GRAMD1B: variants seen among roughly 807,000 people sequenced by gnomAD.
GRAMD1B encodes the protein GRAM domain containing 1B.
In GRAMD1B, 37 loss-of-function variants were observed where a neutral mutation model predicts 99.7. That is an observed-to-expected ratio of 0.37 (90% confidence interval 0.29 to 0.49). The LOEUF (loss-of-function observed/expected upper bound fraction) is 0.49. Ranked by LOEUF, GRAMD1B falls within the 20% of genes least tolerant of loss-of-function variation. The pLI is 0.98. For missense variants in GRAMD1B, 888 were observed against 1,009.2 expected (o/e 0.88, Z 1.63); for synonymous variants, 427 against 387.6 (o/e 1.10, Z -1.19).
chr11:123,404,814 C>G (rs1367197943), intron 1 of GRAMD1B, among the ~76,000 whole-genome samples: 1 of 152,242 alleles, frequency 6.6e-6, no homozygotes, highest in Non-Finnish European at 1.5e-5. Context: ...GAGACAAACG[C>G]AGCCTGCAGC....
At chr11:123,519,952 G>A (rs1272100391) in intron 2 of GRAMD1B, among the ~76,000 whole-genome samples, 1 of 152,250 alleles carries the variant, frequency 6.6e-6, no homozygotes, top group Non-Finnish European at 1.5e-5. Flanking sequence ...ACAGCTTCCA[G>A]GTTTCCCTTG....
chr11:123,358,690 C>T (rs1450927874), exon 1 of GRAMD1B: 1 of 152,390 alleles, frequency 6.6e-6, no homozygotes, highest in Non-Finnish European at 1.5e-5. Context: ...AAGCCAGGCT[C>T]GCGGGGAGAC....
At chr11:123,415,062 T>G (rs1327209158) in intron 1 of GRAMD1B, among the ~76,000 whole-genome samples, 2 of 151,484 alleles carry the variant, frequency 1.3e-5, no homozygotes, top group African/African-American at 4.8e-5. Context: ...AGGCTGCCTT[T>G]TCTTTTTTTT....
chr11:123,462,834 C>A (rs1455579229), intron 1 of GRAMD1B, among the ~76,000 whole-genome samples: 1 of 147,144 alleles, frequency 6.8e-6, no homozygotes, highest in Non-Finnish European at 1.5e-5. Flanking sequence ...TGTCCCATGA[C>A]CCTGCCAAAT....
intron 2 of GRAMD1B, among the ~76,000 whole-genome samples, chr11:123,554,227 C>G (rs565925610): frequency 6.6e-5 from 10 of 152,268 alleles, no homozygotes; most frequent in Non-Finnish European, 1.5e-4. Flanking sequence ...CTGCCTGGCT[C>G]ATAGTATACT....
intron 1 of GRAMD1B, among the ~76,000 whole-genome samples, chr11:123,441,188 AG>A (rs1480354816): frequency 6.6e-6 from 1 of 152,170 alleles, no homozygotes; most frequent in Non-Finnish European, 1.5e-5. Flanking sequence ...AAAGAGAGGT[AG>A]GGGTGTCAGG....
At chr11:123,479,699 A>G (rs1239533046) in intron 1 of GRAMD1B, among the ~76,000 whole-genome samples, 2 of 152,170 alleles carry the variant, frequency 1.3e-5, no homozygotes, top group Non-Finnish European at 2.9e-5. Flanking sequence ...TATGGTGCCC[A>G]CAACTCTGTC....
At chr11:123,552,768 G>A (rs1047127696) in intron 2 of GRAMD1B, among the ~76,000 whole-genome samples, 4 of 152,012 alleles carry the variant, frequency 2.6e-5, no homozygotes, top group Non-Finnish European at 4.4e-5. Context: ...TTTCTCTTCC[G>A]TGAAATTGGA....
intron 1 of GRAMD1B, among the ~76,000 whole-genome samples, chr11:123,418,214 C>T (rs142605559): frequency 0.01 from 1,588 of 152,234 alleles, 22 homozygotes; most frequent in Non-Finnish European, 0.015. Flanking sequence ...ATCCTTCAAA[C>T]GGAAAACCGT....
intron 4 of GRAMD1B, among the ~76,000 whole-genome samples, chr11:123,586,030 CCT>C (rs963561509): frequency 4.9e-4 from 74 of 152,224 alleles, no homozygotes; most frequent in African/African-American, 1.7e-3. Context: ...GCTAGGTTTC[CCT>C]CTCTGTCTGA....
intron 16 of GRAMD1B, among the ~76,000 whole-genome samples, chr11:123,613,860 T>C (rs1055901770): frequency 6.6e-6 from 1 of 152,240 alleles, no homozygotes; most frequent in African/African-American, 2.4e-5. Flanking sequence ...TGAACCCATA[T>C]GTGTGCTCTA....
chr11:123,508,416 C>T (rs1197051541), intron 2 of GRAMD1B, among the ~76,000 whole-genome samples: 1 of 152,226 alleles, frequency 6.6e-6, no homozygotes, highest in African/African-American at 2.4e-5. Context: ...CCTCTTAATA[C>T]TATACTGTTA....
intron 1 of GRAMD1B, among the ~76,000 whole-genome samples, chr11:123,450,222 A>G (rs146875062): frequency 0.018 from 2,733 of 152,296 alleles, 37 homozygotes; most frequent in Non-Finnish European, 0.023. Flanking sequence ...CCAAAGACCC[A>G]TAACAGTTTT....
chr11:123,518,656 T>A (rs1941906100), intron 2 of GRAMD1B, among the ~76,000 whole-genome samples: 1 of 152,208 alleles, frequency 6.6e-6, no homozygotes, highest in African/African-American at 2.4e-5. Flanking sequence ...TCACTAAGCC[T>A]GCGTGTCTTG....
At chr11:123,383,063 G>A (rs1352098414) in intron 1 of GRAMD1B, among the ~76,000 whole-genome samples, 1 of 152,166 alleles carries the variant, frequency 6.6e-6, no homozygotes, top group East Asian at 1.9e-4. Context: ...AAGATGGGGG[G>A]ATCTACTCTA....
intron 2 of GRAMD1B, among the ~76,000 whole-genome samples, chr11:123,545,259 T>C (rs1344744497): frequency 6.6e-6 from 1 of 152,192 alleles, no homozygotes; most frequent in Non-Finnish European, 1.5e-5. Context: ...TCCAGTGCCT[T>C]CCTTTCCTGC....
intron 10 of GRAMD1B, among the ~76,000 whole-genome samples, chr11:123,605,874 G>A (rs1952648732): frequency 6.6e-6 from 1 of 152,208 alleles, no homozygotes; most frequent in Non-Finnish European, 1.5e-5. Context: ...TCATTTGGTT[G>A]ATATTTGTTG....
chr11:123,395,401 T>C (rs540497200), intron 1 of GRAMD1B, among the ~76,000 whole-genome samples: 93 of 152,164 alleles, frequency 6.1e-4, no homozygotes, highest in African/African-American at 2.0e-3. Context: ...CCTTTATACA[T>C]TCCCCAAGTT....
At chr11:123,483,794 C>T (rs1951741475) in intron 2 of GRAMD1B, among the ~76,000 whole-genome samples, 1 of 152,118 alleles carries the variant, frequency 6.6e-6, no homozygotes, top group Admixed American at 6.6e-5. Flanking sequence ...GGTGGTGTGT[C>T]AAAAGGGATT....
Sources: gnomAD v4.1 joint callset for allele counts (sites outside exome capture counted in the v4.1 genomes callset) on GRCh38, gnomAD v4.1.1 for gene constraint, MANE v1.5 for transcripts, NCBI Gene and HGNC (gene_info 2026-07-23, HGNC 2026-07-21) for gene names.